Variants in SGPL1 observed in about 807,000 individuals in gnomAD.
The protein encoded by SGPL1 is sphingosine-1-phosphate lyase 1.
In SGPL1, 37 loss-of-function variants were observed where a neutral mutation model predicts 68.9. The ratio of observed to expected loss-of-function variants is 0.54; its 90% CI spans 0.41 to 0.71. SGPL1 has a LOEUF of 0.71. SGPL1 is among the 30% of genes least tolerant of loss of function. The probability of loss-of-function intolerance (pLI) is 0.00; values close to 1 mark genes in which losing one functional copy is unlikely to be tolerated. For synonymous variants in SGPL1, 236 were observed against 248.5 expected, an observed-to-expected ratio of 0.95 and a Z score of 0.47; for missense variants, 551 against 704.6, an observed-to-expected ratio of 0.78 and a Z score of 2.47.
intron 5 of SGPL1, among the ~76,000 whole-genome samples, chr10:70,856,881 G>A (rs776255597): frequency 2.6e-5 from 4 of 152,164 alleles, no homozygotes; most frequent in South Asian, 2.1e-4. Context: ...AGAATGTCTC[G>A]GGGAGAGAGG....
At chr10:70,862,055 TC>T (rs1846071049) in intron 7 of SGPL1, among the ~76,000 whole-genome samples, 1 of 152,180 alleles carries the variant, frequency 6.6e-6, no homozygotes, top group South Asian at 2.1e-4. Context: ...GGCAGGCAGC[TC>T]CAGTCCTGCA....
At position 70,836,564 on chromosome 10, in the gene SGPL1, C is replaced by G. The variant is rs116408288; in HGVS notation, c.28-7909C>G. Among the ~76,000 whole-genome samples, 854 of 151,886 alleles carry G rather than the reference C, an allele frequency of 5.6e-3. 7 individuals carry two copies. The highest frequency in any genetic ancestry group is 0.019 in the African/African-American group (782 of 41,404). ...TTCCCTCTCCCTCTCCTCCCTTTGCCTTTGCCTTTCCCTTTCCCTTTCCTG... is the reference window on the plus strand; with the variant it reads ...TTCCCTCTCCCTCTCCTCCCTTTGCGTTTGCCTTTCCCTTTCCCTTTCCTG... On this transcript the variant is annotated intron_variant, in intron 2 of 14. Transcript: ENST00000373202.
intron 7 of SGPL1, among the ~76,000 whole-genome samples, chr10:70,865,097 G>C (rs1846157021): frequency 6.6e-6 from 1 of 152,208 alleles, no homozygotes; most frequent in Non-Finnish European, 1.5e-5. Context: ...TGCCTCTGCA[G>C]ATTTGGGGGT....
Position 70,830,043 on chromosome 10 carries a change from G to T in SGPL1, c.27+13163G>T, listed in dbSNP as rs139159496. ...TCCAGAGCTTTACTCTCTATTTCTG[G>T]AGTTGCAATTTCTGCTGTCCTTGGC... On this transcript the variant is annotated intron_variant, in intron 2 of 14. Coordinates refer to ENST00000373202, the MANE Select transcript of SGPL1 (RefSeq NM_003901.4). 3.4e-4 allele frequency among the ~76,000 whole-genome samples: 51 copies of T among 152,198 alleles called. No homozygotes were observed. In the East Asian group the frequency reaches 7.9e-3, roughly 24 times the overall value.
intron 13 of SGPL1, among the ~76,000 whole-genome samples, chr10:70,876,287 G>A (rs900356739): frequency 6.6e-6 from 1 of 152,072 alleles, no homozygotes; most frequent in African/African-American, 2.4e-5. Flanking sequence ...GGGATGGGTG[G>A]GACAAAGCAG....
At position 70,877,554 on chromosome 10, in the gene SGPL1, T is replaced by G. The variant is rs1846415907; in HGVS notation, c.*219T>G. On this transcript the variant is annotated 3_prime_UTR_variant, in exon 15 of 15. Coordinates refer to ENST00000373202, the MANE Select transcript of SGPL1 (RefSeq NM_003901.4). ...CCAGAGAATTCCATTACATAATGAT[T>G]TTGCCCTTGTTATAAATGTTACCCT... 2.0e-6 allele frequency: 1 copy of G among 497,202 alleles called. No homozygotes were observed. The highest frequency in any genetic ancestry group is 3.6e-6 in the Non-Finnish European group (1 of 278,220). The allele number at this position is 497,202 out of a possible 1,614,324, so 30.8% of individuals were successfully genotyped here.
chr10:70,877,111 G>A (rs1325437726), intron 14 of SGPL1, 84 bp from the exon 15 acceptor site: 15 of 1,389,110 alleles, frequency 1.1e-5, no homozygotes, highest in East Asian at 2.3e-5. Flanking sequence ...GCTAGGACTC[G>A]GGGAGAAGGG....
intron 7 of SGPL1, among the ~76,000 whole-genome samples, chr10:70,861,909 A>C (rs992362871): frequency 6.6e-6 from 1 of 152,180 alleles, no homozygotes; most frequent in African/African-American, 2.4e-5. Flanking sequence ...GCAGCCCGCC[A>C]TGCCTGAGCC....
chr10:70,869,938 G>T, intron 9 of SGPL1, 41 bp downstream of exon 9: 1 of 1,498,348 alleles, frequency 6.7e-7, no homozygotes, highest in South Asian at 1.1e-5. Flanking sequence ...GCTGGGCCCT[G>T]ACAGCAGAAG....
At chr10:70,861,983 C>T in intron 7 of SGPL1, among the ~76,000 whole-genome samples, 1 of 152,242 alleles carries the variant, frequency 6.6e-6, no homozygotes, top group Middle Eastern at 3.2e-3. Context: ...CTCCCTGCTC[C>T]ACGGCGCCCA....
chr10:70,824,760 A>G (rs577379237), intron 2 of SGPL1, among the ~76,000 whole-genome samples: 11 of 152,300 alleles, frequency 7.2e-5, no homozygotes, highest in Admixed American at 3.3e-4. Context: ...TGCTTAATGT[A>G]GACAGGAGAA....
Position 70,865,909 on chromosome 10 carries a change from T to C in SGPL1, c.616-2436T>C, listed in dbSNP as rs538828927. ...GTTCTCTTGTTTTCTGAAATACATA[T>C]CATATGTTAAAGTGAGAGTTTTTAT... On this transcript the variant is annotated intron_variant, in intron 7 of 14. Transcript: ENST00000373202. 2.0e-5 allele frequency among the ~76,000 whole-genome samples: 3 copies of C among 152,352 alleles called. No individual in the cohort carries two copies. In the East Asian group the frequency reaches 5.8e-4, roughly 29 times the overall value.
rs778504150 is a variant in SGPL1, at chr10:70,875,586, A to T, written c.1445+38A>T. ...AAGCCTCTTTCCCTTATTTTGCTCC[A>T]TGATTTTGGAAGAACTTGGGTGGTA... On this transcript the variant is annotated intron_variant, in intron 13 of 14. Coordinates refer to ENST00000373202, the MANE Select transcript of SGPL1 (RefSeq NM_003901.4). 7.0e-6 allele frequency: 11 copies of T among 1,571,744 alleles called. No homozygotes were observed. In the Admixed American group the frequency reaches 1.9e-4, roughly 27 times the overall value.
chr10:70,836,515 CTTTCCT>C (rs1277745508), intron 2 of SGPL1, among the ~76,000 whole-genome samples: 1 of 151,974 alleles, frequency 6.6e-6, no homozygotes, highest in Non-Finnish European at 1.5e-5. Context: ...TTTCCCCTTC[CTTTCCT>C]TTTCCTTTTT....
intron 2 of SGPL1, among the ~76,000 whole-genome samples, chr10:70,843,516 G>T (rs148850040): frequency 6.6e-6 from 1 of 152,368 alleles, no homozygotes; most frequent in African/African-American, 2.4e-5. Flanking sequence ...TAGTCAGGGA[G>T]ATAAGAAACA....
At chr10:70,838,901 C>T (rs1320577534) in intron 2 of SGPL1, among the ~76,000 whole-genome samples, 1 of 152,210 alleles carries the variant, frequency 6.6e-6, no homozygotes, top group Non-Finnish European at 1.5e-5. Flanking sequence ...AACACAGTCT[C>T]ATACACGTAG....
At chr10:70,870,457 G>A (rs947970674) in intron 9 of SGPL1, among the ~76,000 whole-genome samples, 18 of 151,002 alleles carry the variant, frequency 1.2e-4, no homozygotes, top group African/African-American at 4.4e-4. Context: ...GCAGTGAGCT[G>A]TGTTCACACC....
At chr10:70,869,734 TG>T in intron 8 of SGPL1, 57 bp from the exon 9 acceptor site, 1 of 1,246,260 alleles carries the variant, frequency 8.0e-7, no homozygotes, top group Non-Finnish European at 1.2e-6. Context: ...TAGCTGCTAA[TG>T]GTGTTTTCTA....
At chr10:70,852,725 T>TGC (rs774012604) in intron 4 of SGPL1, among the ~76,000 whole-genome samples, 27 of 136,850 alleles carry the variant, frequency 2.0e-4, no homozygotes, top group Admixed American at 3.7e-4. Flanking sequence ...TGTGTGTGTG[T>TGC]GTGCGCGCGC....
Sources: gnomAD v4.1 joint callset for allele counts (sites outside exome capture counted in the v4.1 genomes callset) on GRCh38, gnomAD v4.1.1 for gene constraint, MANE v1.5 for transcripts, NCBI Gene and HGNC (gene_info 2026-07-23, HGNC 2026-07-21) for gene names.